Variants in STAB1 observed in about 807,000 individuals in gnomAD.
STAB1 encodes the protein stabilin 1.
Under a neutral mutation model 332.4 loss-of-function variants are expected in STAB1, and 250 were observed. The ratio of observed to expected loss-of-function variants is 0.75; its 90% CI spans 0.68 to 0.84. The LOEUF is 0.84. Among genes scored for constraint, STAB1 ranks in the 40% least tolerant of loss-of-function variants. The pLI is 0.00. For missense variants in STAB1, 3,249 were observed against 3,489.7 expected, an observed-to-expected ratio of 0.93 and a Z score of 1.74; for synonymous variants, 1,475 against 1,390.4, an observed-to-expected ratio of 1.06 and a Z score of -1.35.
At chr3:52,501,790 A>G (rs368197451) in intron 3 of STAB1, 37 bp downstream of exon 3, 23 of 1,537,198 alleles carry the variant, frequency 1.5e-5, no homozygotes, top group East Asian at 9.8e-5. Flanking sequence ...TGCGCCTCCC[A>G]CCCAGCCCCA....
At chr3:52,521,765 C>T in intron 57 of STAB1, 65 bp downstream of exon 57, 1 of 1,603,584 alleles carries the variant, frequency 6.2e-7, no homozygotes, top group Non-Finnish European at 8.5e-7. Flanking sequence ...TCAGTAAAGG[C>T]ACCAAGGGTG....
At chr3:52,523,821 G>C in intron 66 of STAB1, 50 bp from the exon 67 acceptor site, 1 of 1,583,574 alleles carries the variant, frequency 6.3e-7, no homozygotes, top group Non-Finnish European at 8.6e-7. Context: ...GCCCGGGGAA[G>C]GTGGTGGGAC....
At chr3:52,509,368 G>C in intron 22 of STAB1, 47 bp downstream of exon 22, 2 of 1,552,072 alleles carry the variant, frequency 1.3e-6, no homozygotes, top group Non-Finnish European at 1.8e-6. Flanking sequence ...AAAAACGTCT[G>C]CCTAAAGATG....
Position 52,510,525 on chromosome 3 carries a change from AG to A in STAB1, c.2787+22del. 1 of 1,608,522 alleles carries A rather than the reference AG, an allele frequency of 6.2e-7. No individual in the cohort carries two copies. The highest frequency in any genetic ancestry group is 8.5e-7 in the Non-Finnish European group (1 of 1,177,196). On this transcript the variant is annotated intron_variant, in intron 25 of 68. Transcript: ENST00000321725. ...CCGGGCAGGTGAGGTGCAGCAGAGA[AG>A]GGGTGGGGGCCTTGGTTCTGGGGGA...
chr3:52,518,374 T>C lies in STAB1; in HGVS notation c.4809+15T>C, dbSNP rs183143924. 26 of 1,610,974 alleles carry C rather than the reference T, an allele frequency of 1.6e-5. No homozygotes were observed. The East Asian group carries it at 5.6e-4, about 35-fold the overall frequency. On this transcript the variant is annotated intron_variant, in intron 46 of 68. Coordinates refer to ENST00000321725, the MANE Select transcript of STAB1 (RefSeq NM_015136.3). The stretch of plus-strand genomic sequence containing the variant: ...TCCGCCTCCTGGTGAGTGGCCAGCT[T>C]GGGCCTCTGTGACCTGCAAGTCCCA...
In STAB1 at chr3:52,521,367, C is replaced by T; in HGVS notation, c.5915C>T (p.Pro1972Leu). The T allele has an allele frequency of 6.2e-7, 1 of 1,613,930 alleles. No individual in the cohort carries two copies. Among genetic ancestry groups the T allele is most frequent in the Non-Finnish European group, 8.5e-7 (1 of 1,180,006 alleles). Residue 1972 changes from proline (P) to leucine (L), a missense_variant, in exon 56 of 69, where the codon CCT becomes CTT. By Grantham distance (98) the Pro-to-Leu change is moderately conservative. Transcript: ENST00000321725. ...GHYGSECQAC[P>L]GGPSSPCSDR... ...TCTCCTACCCCATCCCCAGCTTGCC[C>T]TGGCGGCCCCAGCAGCCCTTGTAGT... is the stretch of plus-strand genomic sequence containing the variant.
intron 1 of STAB1, among the ~76,000 whole-genome samples, chr3:52,500,095 A>G (rs1708334595): frequency 1.3e-5 from 2 of 151,774 alleles, no homozygotes; most frequent in African/African-American, 4.8e-5. Context: ...CCATAAACTG[A>G]GTCATGGGGC....
rs199951449 is a variant in STAB1, at chr3:52,523,292, C to T, written c.7091C>T (p.Thr2364Met). The change falls in exon 64 of 69, where the codon ACG becomes ATG. Residue 2364 changes from threonine (T) to methionine (M), a missense_variant. By Grantham distance (81) the Thr-to-Met change is moderately conservative. Coordinates refer to ENST00000321725, the MANE Select transcript of STAB1 (RefSeq NM_015136.3). ...DFLDFLDDEL[T>M]YKTLFVPVNE... ...CTGGACTTCCTGGATGATGAGCTCACGTATAAGACACTCTTCGTCCCTGTC... is the reference window on the plus strand; with the variant it reads ...CTGGACTTCCTGGATGATGAGCTCATGTATAAGACACTCTTCGTCCCTGTC... The T allele has an allele frequency of 3.5e-5, 57 of 1,612,780 alleles. No individual in the cohort carries two copies. Among genetic ancestry groups the T allele is most frequent in the East Asian group, 2.0e-4 (9 of 44,886 alleles).
At chr3:52,508,051 T>G in intron 20 of STAB1, 25 bp downstream of exon 20, 1 of 1,599,074 alleles carries the variant, frequency 6.3e-7, no homozygotes, top group Non-Finnish European at 8.6e-7. Flanking sequence ...GGGTGCCCAC[T>G]CCCAGGTCAC....
chr3:52,508,472 TC>T, intron 21 of STAB1, 113 bp downstream of exon 21: 1 of 977,728 alleles, frequency 1.0e-6, no homozygotes, highest in East Asian at 2.5e-5. Flanking sequence ...GCCTTGGGAT[TC>T]TCATATCTAT....
chr3:52,521,067 C>T lies in STAB1; in HGVS notation c.5908+62C>T, dbSNP rs1352213095. On this transcript the variant is annotated intron_variant, in intron 55 of 68. Transcript: ENST00000321725. ...TCCCCAAGAGAGCCAAGGCACAGCT[C>T]TGGCCATTGTCCTTGAGAGAGTGTT... The T allele has an allele frequency of 2.7e-6, 4 of 1,464,406 alleles. No homozygotes were observed. In the South Asian group the frequency reaches 4.3e-5, roughly 16 times the overall value. The allele number at this position is 1,464,406 out of a possible 1,614,324, so 90.7% of individuals were successfully genotyped here. A position where few individuals can be genotyped will look rare whatever the true frequency, so the allele number is the denominator to read the frequency against.
At chr3:52,505,295 C>T (rs1360616385) in intron 13 of STAB1, 24 bp from the exon 14 acceptor site, 1 of 1,613,302 alleles carries the variant, frequency 6.2e-7, no homozygotes, top group Non-Finnish European at 8.5e-7. Context: ...TCCCTGGGGC[C>T]CTCACACTCA....
chr3:52,507,588 C>T (rs772429584), intron 18 of STAB1, 25 bp from the exon 19 acceptor site: 1 of 1,608,736 alleles, frequency 6.2e-7, no homozygotes, highest in Non-Finnish European at 8.5e-7. Context: ...AACCCCTCTC[C>T]CCATCCTGCC....
At position 52,520,135 on chromosome 3, in the gene STAB1, C is replaced by T; in HGVS notation, c.5412+15C>T. On this transcript the variant is annotated intron_variant, in intron 51 of 68. Coordinates refer to ENST00000321725, the MANE Select transcript of STAB1 (RefSeq NM_015136.3). ...GCAATGTCGAGGTGGGTGCAGCCCC[C>T]AACCTTGGTCTTCACTGCCTGCAGC... 1 of 1,612,230 alleles carries T rather than the reference C, an allele frequency of 6.2e-7. No individual in the cohort carries two copies. Among genetic ancestry groups the T allele is most frequent in the Non-Finnish European group, 8.5e-7 (1 of 1,179,238 alleles).
At chr3:52,517,290 C>A in intron 42 of STAB1, 30 bp from the exon 43 acceptor site, 1 of 1,533,824 alleles carries the variant, frequency 6.5e-7, no homozygotes, top group Non-Finnish European at 8.7e-7. Flanking sequence ...CCACTAAGGG[C>A]CACCCCCATC....
chr3:52,519,960 C>G lies in STAB1; in HGVS notation c.5252C>G (p.Pro1751Arg). ...SGLLKVAGLL[P>R]LLREASHRPF... The stretch of plus-strand genomic sequence containing the variant: ...CCCCACCAGGTGGCCGGCCTCCTGC[C>G]CCTGCTTCGAGAGGCATCCCATAGG... Residue 1751 changes from proline (P) to arginine (R), a missense_variant, in exon 51 of 69, where the codon CCC (proline) becomes CGC (arginine). By Grantham distance (103) the Pro-to-Arg change is moderately radical. Coordinates refer to ENST00000321725, the MANE Select transcript of STAB1 (RefSeq NM_015136.3). 1 of 1,586,496 alleles carries G rather than the reference C, an allele frequency of 6.3e-7. No homozygotes were observed. Among genetic ancestry groups the G allele is most frequent in the Non-Finnish European group, 8.6e-7 (1 of 1,165,738 alleles).
In STAB1 at chr3:52,512,851, C is replaced by T. The variant is rs138333619; in HGVS notation, c.3051C>T (p.Ala1017=). 5.2e-4 allele frequency: 837 copies of T among 1,609,958 alleles called. No individual in the cohort carries two copies. The highest frequency in any genetic ancestry group is 6.4e-4 in the Non-Finnish European group (759 of 1,179,864). The part of the protein sequence containing the change: ...WLKSAGITLP[A]DRRVTALVPS... ...AGAGTGCCGGCATCACGCTTCCTGC[C>T]GACCGCCGAGTCACAGCCCTGGTGC... Residue 1017 remains alanine, a synonymous_variant, in exon 29 of 69, where the codon GCC becomes GCT. Transcript: ENST00000321725.
chr3:52,495,595 C>T, intron 1 of STAB1, 104 bp downstream of exon 1: 1 of 1,055,782 alleles, frequency 9.5e-7, no homozygotes, highest in Non-Finnish European at 1.2e-6. Context: ...TGGGGAGAAA[C>T]CGCAGCTGGC....
chr3:52,504,453 C>T lies in STAB1; in HGVS notation c.1151-8C>T. On this transcript the variant is annotated splice_region_variant and splice_polypyrimidine_tract_variant and intron_variant, in intron 10 of 68. Coordinates refer to ENST00000321725, the MANE Select transcript of STAB1 (RefSeq NM_015136.3). ...TCCCTTCTGATGCTCCCTCACCCTG[C>T]CCCCCAGACCAGGGCTGCCGGGAAA... The T allele has an allele frequency of 1.9e-6, 3 of 1,613,552 alleles. No homozygotes were observed. Among genetic ancestry groups the T allele is most frequent in the East Asian group, 4.5e-5 (2 of 44,888 alleles).
Sources: allele counts gnomAD v4.1 joint callset (sites outside exome capture counted in the v4.1 genomes callset), GRCh38; gene constraint gnomAD v4.1.1; transcripts MANE v1.5; gene names NCBI Gene and HGNC (gene_info 2026-07-23, HGNC 2026-07-21).